The following TMEM117 variants were observed in gnomAD, a reference collection of about 807,000 sequenced individuals.
TMEM117 encodes transmembrane protein 117.
Under a neutral mutation model 52.4 loss-of-function variants are expected in TMEM117, and 27 were observed. The ratio of observed to expected loss-of-function variants is 0.51; its 90% confidence interval spans 0.38 to 0.71. The LOEUF (loss-of-function observed/expected upper bound fraction) is 0.71, where lower values mean the gene tolerates loss of function less well. Among genes scored for constraint, TMEM117 ranks in the 30% least tolerant of loss-of-function variants. The probability of loss-of-function intolerance (pLI) is 0.00; values close to 1 mark genes in which losing one functional copy is unlikely to be tolerated. For synonymous variants in TMEM117, 215 were observed against 206.3 expected (o/e 1.04, Z -0.36); for missense variants, 556 against 630.5 (o/e 0.88, Z 1.26).
intron 3 of TMEM117, among the ~76,000 whole-genome samples, chr12:44,076,312 T>C (rs1274194024): frequency 1.3e-5 from 2 of 152,202 alleles, no homozygotes; most frequent in Admixed American, 1.3e-4. Flanking sequence ...AGTTACTTGA[T>C]ATATGAGCCT....
chr12:43,944,178 T>C (rs1184782399), intron 2 of TMEM117, 32 bp from the exon 3 acceptor site: 1 of 1,580,028 alleles, frequency 6.3e-7, no homozygotes. Context: ...AGTTACAGTG[T>C]ACATTAATTT....
intron 4 of TMEM117, among the ~76,000 whole-genome samples, chr12:44,208,303 T>G (rs906661938): frequency 1.3e-5 from 2 of 152,144 alleles, no homozygotes; most frequent in African/African-American, 4.8e-5. Context: ...TTCTGAGTTC[T>G]GTACAGAGAC....
chr12:44,077,082 C>G (rs1947394362), intron 3 of TMEM117, among the ~76,000 whole-genome samples: 1 of 152,196 alleles, frequency 6.6e-6, no homozygotes, highest in Admixed American at 6.5e-5. Flanking sequence ...GACATTACAA[C>G]AAGTTCCTGG....
intron 2 of TMEM117, among the ~76,000 whole-genome samples, chr12:43,921,789 G>A (rs1944698713): frequency 6.6e-6 from 1 of 152,102 alleles, no homozygotes; most frequent in Non-Finnish European, 1.5e-5. Context: ...TTAAGGTTAG[G>A]TTCTGCATAG....
chr12:44,356,608 C>A (rs1951652540), intron 6 of TMEM117, among the ~76,000 whole-genome samples: 1 of 152,088 alleles, frequency 6.6e-6, no homozygotes, highest in African/African-American at 2.4e-5. Flanking sequence ...CCCAAATCTT[C>A]TGCCCTCTGT....
intron 3 of TMEM117, among the ~76,000 whole-genome samples, chr12:44,111,693 G>A (rs1188017728): frequency 7.1e-6 from 1 of 140,192 alleles, no homozygotes; most frequent in African/African-American, 3.0e-5. Context: ...GTTGATTTGG[G>A]GTGGAGAGTT....
intron 3 of TMEM117, among the ~76,000 whole-genome samples, chr12:43,950,895 C>G (rs1945209825): frequency 6.6e-6 from 1 of 152,114 alleles, no homozygotes; most frequent in Non-Finnish European, 1.5e-5. Context: ...GTCTGCAGCT[C>G]CCAGGGAGAC....
chr12:44,267,761 A>G (rs1950396781), intron 5 of TMEM117, among the ~76,000 whole-genome samples: 1 of 152,094 alleles, frequency 6.6e-6, no homozygotes, highest in African/African-American at 2.4e-5. Flanking sequence ...ATCATGTAGT[A>G]TTTGTCCTTT....
chr12:44,337,172 G>C (rs893240549), intron 6 of TMEM117, among the ~76,000 whole-genome samples: 2 of 151,956 alleles, frequency 1.3e-5, no homozygotes, highest in South Asian at 2.1e-4. Context: ...AGGCTGGGAC[G>C]TTCAAGATCA....
At chr12:44,059,201 A>G (rs1947101945) in intron 3 of TMEM117, among the ~76,000 whole-genome samples, 1 of 152,188 alleles carries the variant, frequency 6.6e-6, no homozygotes, top group African/African-American at 2.4e-5. Context: ...AACAGGCAGC[A>G]GTATCGGTCT....
intron 3 of TMEM117, among the ~76,000 whole-genome samples, chr12:44,090,176 A>G (rs1215798449): frequency 6.6e-6 from 1 of 152,056 alleles, no homozygotes; most frequent in African/African-American, 2.4e-5. Flanking sequence ...CCTTTAAACA[A>G]TGTTTTTAAT....
chr12:44,041,160 T>A (rs557036530), intron 3 of TMEM117, among the ~76,000 whole-genome samples: 20 of 151,836 alleles, frequency 1.3e-4, no homozygotes, highest in Non-Finnish European at 2.2e-4. Flanking sequence ...TTGTTACATA[T>A]GTATACATGT....
intron 4 of TMEM117, among the ~76,000 whole-genome samples, chr12:44,172,012 T>C (rs1307935241): frequency 1.3e-5 from 2 of 151,916 alleles, no homozygotes; most frequent in Non-Finnish European, 2.9e-5. Flanking sequence ...TAAAACATAG[T>C]GGGTGAGGCA....
intron 3 of TMEM117, among the ~76,000 whole-genome samples, chr12:43,958,312 C>T (rs547253646): frequency 6.6e-6 from 1 of 152,216 alleles, no homozygotes; most frequent in East Asian, 1.9e-4. Context: ...TGGAATGTTT[C>T]CAAAGAGCGC....
chr12:44,174,838 A>G (rs1949096864), intron 4 of TMEM117, among the ~76,000 whole-genome samples: 1 of 152,220 alleles, frequency 6.6e-6, no homozygotes, highest in Admixed American at 6.5e-5. Context: ...AAGGAGGTCA[A>G]GTAAAACCTC....
chr12:43,970,139 G>C (rs946987226), intron 3 of TMEM117, among the ~76,000 whole-genome samples: 2 of 152,100 alleles, frequency 1.3e-5, no homozygotes, highest in Non-Finnish European at 2.9e-5. Flanking sequence ...GCAGGTCTCG[G>C]TTATCACCGT....
intron 3 of TMEM117, among the ~76,000 whole-genome samples, chr12:44,055,808 C>G (rs113975876): frequency 0.013 from 1,955 of 152,164 alleles, 32 homozygotes; most frequent in East Asian, 0.04. Context: ...CTTGCACCTA[C>G]TTTTTTAACT....
chr12:44,239,959 A>C (rs1950042232), intron 5 of TMEM117, among the ~76,000 whole-genome samples: 1 of 152,128 alleles, frequency 6.6e-6, no homozygotes, highest in African/African-American at 2.4e-5. Context: ...TCCATTTGAT[A>C]AAGTAACATA....
At chr12:43,980,494 G>A (rs960433468) in intron 3 of TMEM117, among the ~76,000 whole-genome samples, 1 of 152,164 alleles carries the variant, frequency 6.6e-6, no homozygotes, top group African/African-American at 2.4e-5. Context: ...TTAAGCAGCT[G>A]CTTCAATACT....
Sources: allele counts gnomAD v4.1 joint callset (sites outside exome capture counted in the v4.1 genomes callset), GRCh38; gene constraint gnomAD v4.1.1; transcripts MANE v1.5; gene names NCBI Gene and HGNC (gene_info 2026-07-23, HGNC 2026-07-21).